Variants in FARS2 observed in about 807,000 individuals in gnomAD.
FARS2 encodes the protein phenylalanyl-tRNA synthetase 2, mitochondrial.
Under a neutral mutation model 46.4 loss-of-function variants are expected in FARS2, and 40 were observed. The ratio of observed to expected loss-of-function variants is 0.86; its 90% CI spans 0.67 to 1.12. The LOEUF (loss-of-function observed/expected upper bound fraction) is 1.12, where lower values mean the gene tolerates loss of function less well. Among genes scored for constraint, FARS2 ranks in the 50% most tolerant of loss-of-function variants. FARS2 has a pLI of 0.00. For missense variants in FARS2, 513 were observed against 567.9 expected, an observed-to-expected ratio of 0.90 and a Z score of 0.98; for synonymous variants, 234 against 214.9, an observed-to-expected ratio of 1.09 and a Z score of -0.78.
chr6:5,296,773 A>G (rs1431326260), intron 1 of FARS2, among the ~76,000 whole-genome samples: 2 of 152,164 alleles, frequency 1.3e-5, no homozygotes, highest in African/African-American at 4.8e-5. Flanking sequence ...TTTAAGGCCG[A>G]GTAGTATTAC....
At chr6:5,741,191 A>G (rs1582863932) in intron 6 of FARS2, among the ~76,000 whole-genome samples, 1 of 152,204 alleles carries the variant, frequency 6.6e-6, no homozygotes, top group African/African-American at 2.4e-5. Context: ...TGAGGAAGAA[A>G]GGTTTAACCA....
intron 4 of FARS2, among the ~76,000 whole-genome samples, chr6:5,514,314 A>G (rs1768652474): frequency 6.6e-6 from 1 of 152,218 alleles, no homozygotes; most frequent in African/African-American, 2.4e-5. Context: ...TTAGAGGAAC[A>G]TTAAAAAGAC....
chr6:5,713,031 G>A (rs1759279871), intron 6 of FARS2, among the ~76,000 whole-genome samples: 1 of 152,254 alleles, frequency 6.6e-6, no homozygotes, highest in African/African-American at 2.4e-5. Context: ...TGTACAGTGT[G>A]TGCCCTACCT....
At chr6:5,424,849 A>G (rs1464209792) in intron 3 of FARS2, among the ~76,000 whole-genome samples, 1 of 152,234 alleles carries the variant, frequency 6.6e-6, no homozygotes, top group Non-Finnish European at 1.5e-5. Flanking sequence ...GGCTCTATCA[A>G]AAGGTTGCGG....
chr6:5,399,374 C>G (rs1221661141), intron 2 of FARS2, among the ~76,000 whole-genome samples: 1 of 151,930 alleles, frequency 6.6e-6, no homozygotes, highest in Non-Finnish European at 1.5e-5. Flanking sequence ...TGGTGTTTCA[C>G]CATGTTGGCC....
At chr6:5,552,620 T>G (rs1561707864) in intron 5 of FARS2, among the ~76,000 whole-genome samples, 1 of 152,226 alleles carries the variant, frequency 6.6e-6, no homozygotes, top group Non-Finnish European at 1.5e-5. Context: ...CCTGCATACC[T>G]TGAAACCCAT....
chr6:5,435,725 C>G (rs538272841), intron 4 of FARS2, among the ~76,000 whole-genome samples: 1 of 152,212 alleles, frequency 6.6e-6, no homozygotes, highest in Admixed American at 6.5e-5. Context: ...AAAACCATCA[C>G]TGGGACAACT....
chr6:5,329,730 A>G (rs1770662775), intron 1 of FARS2, among the ~76,000 whole-genome samples: 1 of 152,202 alleles, frequency 6.6e-6, no homozygotes, highest in Non-Finnish European at 1.5e-5. Context: ...TTAACAGTTT[A>G]TTATAAAGGA....
chr6:5,609,831 A>G (rs1775070831), intron 5 of FARS2: 1 of 1,115,648 alleles, frequency 9.0e-7, no homozygotes, highest in Non-Finnish European at 1.3e-6. Flanking sequence ...TCTCTTCAAA[A>G]TAATCTCTTA....
At chr6:5,649,523 C>T (rs1321761380) in intron 6 of FARS2, among the ~76,000 whole-genome samples, 2 of 152,170 alleles carry the variant, frequency 1.3e-5, no homozygotes, top group African/African-American at 4.8e-5. Flanking sequence ...GGCTTCATTC[C>T]CAGGAACACC....
rs1426439832 is a variant in FARS2 at position 5,630,544 on chromosome 6, C to G, written c.1217+17224C>G. On this transcript the variant is annotated intron_variant, in intron 6 of 6. Transcript: ENST00000274680. The surrounding 1 kb of genome is among the most constrained non-coding windows in gnomAD (Gnocchi z 4.2). ...AGCAAAACGTCCTGACTCTGGAAAC[C>G]AGACCTGCCTCTTCATACTTATGTG... is the stretch of plus-strand genomic sequence containing the variant. Among the ~76,000 whole-genome samples, 1 of 152,204 alleles carries G rather than the reference C, an allele frequency of 6.6e-6. No individual in the cohort carries two copies. Among genetic ancestry groups the G allele is most frequent in the East Asian group, 1.9e-4 (1 of 5,194 alleles).
At chr6:5,744,763 C>G (rs909141405) in intron 6 of FARS2, among the ~76,000 whole-genome samples, 6 of 152,230 alleles carry the variant, frequency 3.9e-5, no homozygotes, top group African/African-American at 1.4e-4. Flanking sequence ...GTGATTGGCG[C>G]ATAGCCAAGG....
chr6:5,508,868 A>G (rs141926902), intron 4 of FARS2, among the ~76,000 whole-genome samples: 1 of 152,334 alleles, frequency 6.6e-6, no homozygotes, highest in East Asian at 1.9e-4. Flanking sequence ...GGCACTGAGA[A>G]ATGGAGAAGA....
intron 5 of FARS2, among the ~76,000 whole-genome samples, chr6:5,600,098 G>C (rs1173366331): frequency 1.3e-5 from 2 of 152,064 alleles, no homozygotes; most frequent in South Asian, 4.1e-4. Flanking sequence ...AAATATGAAA[G>C]GATTCAAAAA....
At chr6:5,658,592 A>C (rs1026386216) in intron 6 of FARS2, among the ~76,000 whole-genome samples, 4 of 152,232 alleles carry the variant, frequency 2.6e-5, no homozygotes, top group Non-Finnish European at 5.9e-5. Flanking sequence ...TATATGGCAC[A>C]GCATTTTATT....
intron 6 of FARS2, among the ~76,000 whole-genome samples, chr6:5,716,351 A>G (rs1759491119): frequency 6.6e-6 from 1 of 152,192 alleles, no homozygotes; most frequent in Admixed American, 6.5e-5. Flanking sequence ...GTTAATATTT[A>G]TCTTGGGGGT....
chr6:5,755,457 G>T (rs1276418865), intron 6 of FARS2, among the ~76,000 whole-genome samples: 1 of 152,022 alleles, frequency 6.6e-6, no homozygotes, highest in African/African-American at 2.4e-5. Context: ...TTCTGTTCTT[G>T]TGTTAGTTTG....
At chr6:5,442,391 T>C (rs1763890833) in intron 4 of FARS2, among the ~76,000 whole-genome samples, 1 of 144,522 alleles carries the variant, frequency 6.9e-6, no homozygotes, top group South Asian at 2.2e-4. Context: ...CTTTCATAAA[T>C]GGAATGTGTA....
intron 1 of FARS2, among the ~76,000 whole-genome samples, chr6:5,359,311 C>CA (rs1758154187): frequency 6.6e-6 from 1 of 152,006 alleles, no homozygotes; most frequent in Non-Finnish European, 1.5e-5. Flanking sequence ...AAAGTGCTGG[C>CA]ATTACAGGCA....
Sources: allele counts gnomAD v4.1 joint callset (sites outside exome capture counted in the v4.1 genomes callset), GRCh38; gene constraint gnomAD v4.1.1; non-coding constraint Gnocchi (gnomAD v3.1); transcripts MANE v1.5; gene names NCBI Gene and HGNC (gene_info 2026-07-23, HGNC 2026-07-21).